Variants in RBFOX3 observed in about 807,000 individuals in gnomAD.
RBFOX3 encodes the protein RNA binding protein fox-1 homolog 3.
A neutral mutation model predicts 48.7 loss-of-function variants in RBFOX3; 17 were observed. The ratio of observed to expected loss-of-function variants is 0.35; its 90% CI spans 0.24 to 0.52. The LOEUF (loss-of-function observed/expected upper bound fraction) is 0.52. Among genes scored for constraint, RBFOX3 ranks in the 20% least tolerant of loss-of-function variants. The pLI, the probability that RBFOX3 is intolerant of heterozygous loss-of-function variation, is 0.94. For synonymous variants in RBFOX3, 212 were observed against 209.5 expected (o/e 1.01, Z -0.10); for missense variants, 382 against 497.5 (o/e 0.77, Z 2.21).
intron 2 of RBFOX3, among the ~76,000 whole-genome samples, chr17:79,425,391 C>T (rs2148811238): frequency 6.6e-6 from 1 of 152,220 alleles, no homozygotes; most frequent in East Asian, 1.9e-4. Flanking sequence ...AGTGTGTAGC[C>T]AAGCAGGGAG....
In RBFOX3 at chr17:79,154,274, C is replaced by T. The variant is rs115943849; in HGVS notation, c.-33-38526G>A. Among the ~76,000 whole-genome samples the T allele has an allele frequency of 6.2e-4, 95 of 152,342 alleles. 1 individual carries two copies. The highest frequency in any genetic ancestry group is 2.3e-3 in the African/African-American group (94 of 41,578). ...GTTCCCTCAGTCTTTCCTTGCCCAG[C>T]TCCTTCTGTTTCAAAGCTGCCCCTT... On this transcript the variant is annotated intron_variant, in intron 4 of 14. Coordinates refer to ENST00000693108, the MANE Select transcript of RBFOX3 (RefSeq NM_001350451.2).
intron 3 of RBFOX3, among the ~76,000 whole-genome samples, chr17:79,239,031 T>C (rs4789875): frequency 0.27 from 41,373 of 152,016 alleles, 5,882 homozygotes; most frequent in Middle Eastern, 0.37. Flanking sequence ...CCCCGGAGGC[T>C]CTTGTGCATG....
chr17:79,397,949 G>A (rs1289246870), intron 2 of RBFOX3, among the ~76,000 whole-genome samples: 3 of 152,112 alleles, frequency 2.0e-5, no homozygotes, highest in Admixed American at 6.6e-5. Flanking sequence ...GAATCTGTCC[G>A]GCGGCGGATT....
chr17:79,577,689 G>A (rs1319888571), intron 1 of RBFOX3, among the ~76,000 whole-genome samples: 1 of 152,210 alleles, frequency 6.6e-6, no homozygotes, highest in Non-Finnish European at 1.5e-5. Flanking sequence ...TATCATTGCT[G>A]ACTTGTTTCA....
chr17:79,384,191 A>T lies in RBFOX3; in HGVS notation c.-174-76367T>A, dbSNP rs2060281145. On this transcript the variant is annotated intron_variant, in intron 2 of 14. Transcript: ENST00000693108. Reference sequence around the variant, plus strand: ...TTTCTGGGGATGTCGGAAAACAAAGAGGGTTTCTGAGCCTCCAGGACTCAC... The same window carrying T: ...TTTCTGGGGATGTCGGAAAACAAAGTGGGTTTCTGAGCCTCCAGGACTCAC... Among the ~76,000 whole-genome samples the T allele has an allele frequency of 2.0e-5, 3 of 152,130 alleles. No individual in the cohort carries two copies. In the South Asian group the frequency reaches 6.2e-4, roughly 32 times the overall value.
chr17:79,214,389 C>T lies in RBFOX3; in HGVS notation c.-34+21377G>A, dbSNP rs535638913. 1.1e-3 allele frequency among the ~76,000 whole-genome samples: 175 copies of T among 152,272 alleles called. No homozygotes were observed. Among genetic ancestry groups the T allele is most frequent in the African/African-American group, 2.6e-3 (109 of 41,562 alleles). On this transcript the variant is annotated intron_variant, in intron 4 of 14. Coordinates refer to ENST00000693108, the MANE Select transcript of RBFOX3 (RefSeq NM_001350451.2). This position sits in a 1 kb window ranked among gnomAD's most constrained non-coding sequence, Gnocchi z 4.7. ...CATTAATTAGACAAGCCCTCCCGCC[C>T]GCAGGTCCAGCAACCAGGGAGGGTG...
At chr17:79,349,623 T>A (rs1461550138) in intron 2 of RBFOX3, among the ~76,000 whole-genome samples, 2 of 152,108 alleles carry the variant, frequency 1.3e-5, no homozygotes, top group African/African-American at 2.4e-5. Context: ...CAGTCTGATG[T>A]CTGGTGATCC....
At chr17:79,416,056 C>G (rs183594674) in intron 2 of RBFOX3, among the ~76,000 whole-genome samples, 2 of 152,100 alleles carry the variant, frequency 1.3e-5, no homozygotes, top group Non-Finnish European at 2.9e-5. Context: ...CTCTTCCTCT[C>G]GCCTGCACTC....
At position 79,561,924 on chromosome 17, in the gene RBFOX3, T is replaced by C. The variant is rs1490002242; in HGVS notation, c.-320+48902A>G. Reference sequence around the variant, plus strand: ...ACATTGGGCTTCCCATGCATGGTGCTATGAGTCCCACTGCTGGGTGGGCAG... The same window carrying C: ...ACATTGGGCTTCCCATGCATGGTGCCATGAGTCCCACTGCTGGGTGGGCAG... On this transcript the variant is annotated intron_variant, in intron 1 of 14. Coordinates refer to ENST00000693108, the MANE Select transcript of RBFOX3 (RefSeq NM_001350451.2). Among the ~76,000 whole-genome samples the C allele has an allele frequency of 3.3e-5, 5 of 152,264 alleles. No homozygotes were observed. In the East Asian group the frequency reaches 9.7e-4, roughly 29 times the overall value.
chr17:79,238,602 C>T (rs1229430872), intron 3 of RBFOX3, among the ~76,000 whole-genome samples: 5 of 152,226 alleles, frequency 3.3e-5, no homozygotes, highest in African/African-American at 1.2e-4. Flanking sequence ...CCACATCAGC[C>T]CAGATGGGAG....
intron 2 of RBFOX3, among the ~76,000 whole-genome samples, chr17:79,406,096 A>G: frequency 6.6e-6 from 1 of 152,126 alleles, no homozygotes; most frequent in Non-Finnish European, 1.5e-5. Flanking sequence ...CTGCTGATGA[A>G]TGTTTGGGCT....
the RBFOX3 span, among the ~76,000 whole-genome samples, chr17:79,665,446 A>AGAGGAGCGGAGCAGAGAGGAGGGGCCTGG: frequency 2.6e-5 from 4 of 152,112 alleles, no homozygotes; most frequent in Non-Finnish European, 4.4e-5. Flanking sequence ...AGGGGCCTGG[A>AGAGGAGCGGAGCAGAGAGGAGGGGCCTGG]AACCGACGCC....
the RBFOX3 span, among the ~76,000 whole-genome samples, chr17:79,632,662 C>T: frequency 3.3e-5 from 5 of 150,900 alleles, no homozygotes; most frequent in African/African-American, 4.9e-5. Context: ...CCAGCACTTC[C>T]GGAGGCTGAG....
At chr17:79,246,960 C>T (rs1479998167) in intron 3 of RBFOX3, among the ~76,000 whole-genome samples, 1 of 152,186 alleles carries the variant, frequency 6.6e-6, no homozygotes, top group Non-Finnish European at 1.5e-5. Flanking sequence ...AGAACGCCGG[C>T]TTCTTAGATG....
chr17:79,489,806 C>T (rs1276412320), intron 1 of RBFOX3, among the ~76,000 whole-genome samples: 1 of 152,046 alleles, frequency 6.6e-6, no homozygotes, highest in Non-Finnish European at 1.5e-5. Flanking sequence ...CTGGTTAATC[C>T]CTCTCATACC....
At position 79,264,820 on chromosome 17, in the gene RBFOX3, A is replaced by G. The variant is rs533379087; in HGVS notation, c.-73-29015T>C. ...CCACGAACCGGGCCTCGACTTCCCC[A>G]TGTTCTGTGCCTTCTCCTTGGCTCC... On this transcript the variant is annotated intron_variant, in intron 3 of 14. Transcript: ENST00000693108. Among the ~76,000 whole-genome samples the G allele has an allele frequency of 2.0e-5, 3 of 151,884 alleles. No individual in the cohort carries two copies. In the South Asian group the frequency reaches 6.3e-4, roughly 32 times the overall value.
intron 1 of RBFOX3, among the ~76,000 whole-genome samples, chr17:79,512,692 G>A (rs1410160178): frequency 8.0e-6 from 1 of 124,406 alleles, no homozygotes; most frequent in Non-Finnish European, 1.7e-5. Flanking sequence ...TTACCATCGG[G>A]TACAGCCCCA....
the RBFOX3 span, among the ~76,000 whole-genome samples, chr17:79,646,916 C>T: frequency 2.0e-5 from 3 of 152,220 alleles, no homozygotes; most frequent in Non-Finnish European, 4.4e-5. Context: ...TCACTCAGGC[C>T]TTTGCACTGC....
At chr17:79,528,270 G>C (rs1292156430) in intron 1 of RBFOX3, among the ~76,000 whole-genome samples, 1 of 151,594 alleles carries the variant, frequency 6.6e-6, no homozygotes, top group Non-Finnish European at 1.5e-5. Flanking sequence ...CCTCTGAGTA[G>C]GATCTTAGTT....
Sources: gnomAD v4.1 joint callset for allele counts (sites outside exome capture counted in the v4.1 genomes callset) on GRCh38, gnomAD v4.1.1 for gene constraint, Gnocchi (gnomAD v3.1) non-coding constraint, MANE v1.5 for transcripts, NCBI Gene and HGNC (gene_info 2026-07-23, HGNC 2026-07-21) for gene names.